The following ANKS1B variants were observed in gnomAD, a reference collection of about 807,000 sequenced individuals.
ANKS1B encodes the protein ankyrin repeat and sterile alpha motif domain-containing protein 1B.
ANKS1B carries 36 observed loss-of-function variants against 148.3 expected under a neutral mutation model. The observed-to-expected ratio is 0.24, with a 90% confidence interval of 0.19 to 0.32. ANKS1B has a LOEUF of 0.32. Among genes scored for constraint, ANKS1B ranks in the 10% least tolerant of loss-of-function variants. ANKS1B has a pLI of 1.00. For synonymous variants in ANKS1B, 542 were observed against 560.8 expected (o/e 0.97, Z 0.47); for missense variants, 1,157 against 1,542.6 (o/e 0.75, Z 4.19).
intron 2 of ANKS1B, among the ~76,000 whole-genome samples, chr12:99,824,029 C>A (rs1183970821): frequency 6.6e-6 from 1 of 152,124 alleles, no homozygotes; most frequent in Non-Finnish European, 1.5e-5. Context: ...TATCATGATG[C>A]CTCTGGCTTT....
chr12:99,610,558 G>C (rs547351558), intron 9 of ANKS1B, among the ~76,000 whole-genome samples: 1 of 152,160 alleles, frequency 6.6e-6, no homozygotes, highest in Admixed American at 6.6e-5. Context: ...AGGAATTCTA[G>C]TTTCTATGGC....
chr12:98,880,230 C>A (rs2099703502), intron 17 of ANKS1B, among the ~76,000 whole-genome samples: 1 of 152,156 alleles, frequency 6.6e-6, no homozygotes, highest in Non-Finnish European at 1.5e-5. Context: ...TACCAAGTTT[C>A]TCTACAGGAG....
At chr12:99,463,422 G>A (rs565124465) in intron 10 of ANKS1B, among the ~76,000 whole-genome samples, 1 of 152,322 alleles carries the variant, frequency 6.6e-6, no homozygotes, top group African/African-American at 2.4e-5. Context: ...TCACTAGGGA[G>A]TGCCAGACAG....
At chr12:98,986,503 T>A (rs1018609777) in intron 17 of ANKS1B, among the ~76,000 whole-genome samples, 1 of 152,214 alleles carries the variant, frequency 6.6e-6, no homozygotes, top group Non-Finnish European at 1.5e-5. Flanking sequence ...GAATTCTTCA[T>A]CTCTGATATA....
intron 17 of ANKS1B, among the ~76,000 whole-genome samples, chr12:98,994,486 G>A (rs1312330072): frequency 1.3e-5 from 2 of 152,126 alleles, no homozygotes; most frequent in African/African-American, 4.8e-5. Context: ...GCATGGTGGT[G>A]CGTGCCTGTA....
intron 4 of ANKS1B, among the ~76,000 whole-genome samples, chr12:99,784,338 AT>A (rs371448057): frequency 6.6e-6 from 1 of 151,618 alleles, no homozygotes; most frequent in Non-Finnish European, 1.5e-5. Context: ...CACCCAGCTA[AT>A]TTTTTTGTAT....
At chr12:99,717,057 G>A (rs1237148145) in intron 8 of ANKS1B, among the ~76,000 whole-genome samples, 6 of 152,114 alleles carry the variant, frequency 3.9e-5, no homozygotes, top group Non-Finnish European at 8.8e-5. Context: ...TCCCAAATCA[G>A]ATAGCATTTA....
intron 14 of ANKS1B, among the ~76,000 whole-genome samples, chr12:99,170,470 T>C (rs1188186712): frequency 2.6e-5 from 4 of 152,220 alleles, no homozygotes; most frequent in African/African-American, 9.7e-5. Context: ...CTCATGGTTT[T>C]ATTTGAAGCT....
intron 12 of ANKS1B, among the ~76,000 whole-genome samples, chr12:99,324,487 C>T (rs924009538): frequency 6.6e-6 from 1 of 152,118 alleles, no homozygotes. Context: ...GCACACTCTT[C>T]TCAGTTCCTA....
At chr12:99,915,160 G>C (rs534850109) in intron 1 of ANKS1B, among the ~76,000 whole-genome samples, 2 of 150,378 alleles carry the variant, frequency 1.3e-5, no homozygotes, top group South Asian at 4.2e-4. Context: ...GCGAGGCGGA[G>C]GTTGCAGTGA....
In ANKS1B at chr12:99,904,318, AG is replaced by A. The variant is rs2093704414; in HGVS notation, c.135-78930del. On this transcript the variant is annotated intron_variant, in intron 1 of 26. Coordinates refer to ENST00000683438, the MANE Select transcript of ANKS1B (RefSeq NM_001352186.2). ...GATAATCTCCTGCCTCAGCCTCCCA[AG>A]TAGCTGGGATTACAGGCATGTGCCA... is the stretch of plus-strand genomic sequence containing the variant. Among the ~76,000 whole-genome samples, 3 of 151,394 alleles carry A rather than the reference AG, an allele frequency of 2.0e-5. 1 individual carries two copies. Among genetic ancestry groups the A allele is most frequent in the African/African-American group, 4.9e-5 (2 of 41,120 alleles).
rs79299874 is a variant in ANKS1B, at chr12:99,101,882, T to A, written c.2527-16859A>T. On this transcript the variant is annotated intron_variant, in intron 15 of 26. Coordinates refer to ENST00000683438, the MANE Select transcript of ANKS1B (RefSeq NM_001352186.2). ...CAGCCTTGAGGGGCTGTGTTCTGTT[T>A]GGGACATGCTTAGGGGCCTGTGGAA... is the stretch of plus-strand genomic sequence containing the variant. Among the ~76,000 whole-genome samples, 617 of 152,160 alleles carry A rather than the reference T, an allele frequency of 4.1e-3. 25 individuals are homozygous for A. In the East Asian group the frequency reaches 0.085, roughly 21 times the overall value.
At chr12:99,368,035 C>T (rs1011965918) in intron 12 of ANKS1B, among the ~76,000 whole-genome samples, 6 of 152,014 alleles carry the variant, frequency 3.9e-5, no homozygotes, top group Admixed American at 1.3e-4. Context: ...ATTAGTAATA[C>T]GACTCGGAGA....
At chr12:99,467,071 C>T (rs1036130378) in intron 10 of ANKS1B, among the ~76,000 whole-genome samples, 1 of 152,190 alleles carries the variant, frequency 6.6e-6, no homozygotes, top group Non-Finnish European at 1.5e-5. Flanking sequence ...TCCAGCAGCA[C>T]ATCAAAAATC....
chr12:99,265,414 C>T (rs2076352466), intron 12 of ANKS1B, among the ~76,000 whole-genome samples: 1 of 152,054 alleles, frequency 6.6e-6, no homozygotes, highest in Non-Finnish European at 1.5e-5. Context: ...TGATTCTTAC[C>T]ATTAATGCAC....
intron 10 of ANKS1B, among the ~76,000 whole-genome samples, chr12:99,463,156 A>G (rs1006130381): frequency 2.0e-5 from 3 of 152,246 alleles, no homozygotes; most frequent in South Asian, 2.1e-4. Flanking sequence ...GCACTTCACA[A>G]AAGAAAAGTA....
In ANKS1B at chr12:99,924,261, T is replaced by C. The variant is rs2094433778; in HGVS notation, c.134+59843A>G. Among the ~76,000 whole-genome samples the C allele has an allele frequency of 2.0e-5, 3 of 152,180 alleles. No homozygotes were observed. The South Asian group carries it at 6.2e-4, about 32-fold the overall frequency. On this transcript the variant is annotated intron_variant, in intron 1 of 26. Transcript: ENST00000683438. The stretch of plus-strand genomic sequence containing the variant: ...ACTCTAGAGGAACATGAGTTTATAA[T>C]GCATGTCAGAAGCACTGCTTGGTGT...
chr12:99,485,694 A>G (rs2096479723), intron 10 of ANKS1B, among the ~76,000 whole-genome samples: 1 of 151,938 alleles, frequency 6.6e-6, no homozygotes, highest in Non-Finnish European at 1.5e-5. Flanking sequence ...CCATAATCCC[A>G]TATTTCTTGA....
At chr12:98,864,704 A>C (rs2099615826) in intron 17 of ANKS1B, among the ~76,000 whole-genome samples, 1 of 152,192 alleles carries the variant, frequency 6.6e-6, no homozygotes, top group Non-Finnish European at 1.5e-5. Context: ...GTATACTTAC[A>C]TCCTAGTGGT....
Sources: allele counts gnomAD v4.1 joint callset (sites outside exome capture counted in the v4.1 genomes callset), GRCh38; gene constraint gnomAD v4.1.1; transcripts MANE v1.5; gene names NCBI Gene and HGNC (gene_info 2026-07-23, HGNC 2026-07-21).